The following SEMA5A variants were observed in gnomAD, a reference collection of about 807,000 sequenced individuals.
SEMA5A encodes the protein semaphorin 5A.
SEMA5A carries 55 observed loss-of-function variants against 135.5 expected under a neutral mutation model. The ratio of observed to expected loss-of-function variants is 0.41; its 90% CI spans 0.33 to 0.51. SEMA5A has a LOEUF of 0.51. Among genes scored for constraint, SEMA5A ranks in the 20% least tolerant of loss-of-function variants. The pLI is 0.37. For synonymous variants in SEMA5A, 580 were observed against 546.5 expected (o/e 1.06, Z -0.85); for missense variants, 1,290 against 1,419.9 (o/e 0.91, Z 1.47).
intron 5 of SEMA5A, among the ~76,000 whole-genome samples, chr5:9,248,726 G>A (rs1748612030): frequency 6.6e-6 from 1 of 152,132 alleles, no homozygotes; most frequent in African/African-American, 2.4e-5. Context: ...ATATGACCGT[G>A]GAGGCAGAGA....
At chr5:9,300,178 C>T (rs1389727314) in intron 5 of SEMA5A, among the ~76,000 whole-genome samples, 1 of 152,104 alleles carries the variant, frequency 6.6e-6, no homozygotes, top group Admixed American at 6.5e-5. Flanking sequence ...CAGGCACACC[C>T]CACCACACCT....
Position 9,154,494 on chromosome 5 carries a change from G to A in SEMA5A, c.1475C>T (p.Thr492Ile). Reference sequence around the variant, plus strand: ...GACCCCGGAGATGCCCTACCTGCGTGTGCGGTAGAACTGGCACCTCTTCAG... The same window carrying A: ...GACCCCGGAGATGCCCTACCTGCGTATGCGGTAGAACTGGCACCTCTTCAG... ...IPLKRCQFYR[T>I]RSTCIGAQDP... The change falls in exon 12 of 23, where the codon ACA becomes ATA. Residue 492 changes from threonine (T) to isoleucine (I), a missense_variant. Thr to Ile is a moderately conservative substitution (Grantham distance 89). Coordinates refer to ENST00000382496, the MANE Select transcript of SEMA5A (RefSeq NM_003966.3). 1.9e-6 allele frequency: 3 copies of A among 1,611,920 alleles called. No homozygotes were observed. The highest frequency in any genetic ancestry group is 2.5e-6 in the Non-Finnish European group (3 of 1,179,862).
At chr5:9,441,076 C>T (rs1354002005) in intron 1 of SEMA5A, among the ~76,000 whole-genome samples, 1 of 152,250 alleles carries the variant, frequency 6.6e-6, no homozygotes, top group East Asian at 1.9e-4. Context: ...ACAGGCCTCT[C>T]ATCATCAGTC....
At chr5:9,088,457 A>C (rs966826609) in intron 16 of SEMA5A, among the ~76,000 whole-genome samples, 1 of 150,760 alleles carries the variant, frequency 6.6e-6, no homozygotes. Flanking sequence ...AAAAAAAGTT[A>C]GTTTTCTTTT....
rs1350121845 is a variant in SEMA5A at position 9,042,736 on chromosome 5, T to TAAAG, written c.*157_*160dup. On this transcript the variant is annotated 3_prime_UTR_variant, in exon 23 of 23. Coordinates refer to ENST00000382496, the MANE Select transcript of SEMA5A (RefSeq NM_003966.3). ...GTCTTATTTCAATTTTTGTTGCTTT[T>TAAAG]AAAGACGTGTATTTTTGGCAGCAAT... 2.6e-6 allele frequency: 2 copies of TAAAG among 755,718 alleles called. No homozygotes were observed. The highest frequency in any genetic ancestry group is 3.6e-5 in the African/African-American group (2 of 55,568). 46.8% of individuals were successfully genotyped at this position (755,718 alleles called of 1,614,324 possible).
chr5:9,264,875 C>T (rs558650077), intron 5 of SEMA5A, among the ~76,000 whole-genome samples: 41 of 152,188 alleles, frequency 2.7e-4, no homozygotes, highest in African/African-American at 9.9e-4. Context: ...TGGCTGACTT[C>T]GGGGTGGGAA....
intron 5 of SEMA5A, among the ~76,000 whole-genome samples, chr5:9,238,618 T>C (rs1290686948): frequency 3.3e-5 from 5 of 152,042 alleles, no homozygotes; most frequent in African/African-American, 1.2e-4. Context: ...AGACAGGGCT[T>C]GCTTTACAGA....
At chr5:9,046,432 TCCTC>T (rs1298259121) in intron 21 of SEMA5A, among the ~76,000 whole-genome samples, 1 of 152,148 alleles carries the variant, frequency 6.6e-6, no homozygotes, top group Non-Finnish European at 1.5e-5. Flanking sequence ...GTGCTCATGA[TCCTC>T]CCTACCTGGA....
intron 12 of SEMA5A, among the ~76,000 whole-genome samples, chr5:9,154,093 A>ATATATATATATATATATGTGTGTG (rs372321939): frequency 1.4e-5 from 1 of 73,512 alleles, no homozygotes; most frequent in African/African-American, 5.6e-5. Flanking sequence ...ATATATATAT[A>ATATATATATATATATATGTGTGTG]TGTGTGTGTG....
chr5:9,339,876 T>C (rs1297049354), intron 3 of SEMA5A, among the ~76,000 whole-genome samples: 1 of 152,214 alleles, frequency 6.6e-6, no homozygotes, highest in Non-Finnish European at 1.5e-5. Flanking sequence ...AAAAGTAGTA[T>C]ATTTTTAAAA....
intron 5 of SEMA5A, among the ~76,000 whole-genome samples, chr5:9,284,449 G>A (rs1041534202): frequency 3.9e-5 from 6 of 152,114 alleles, no homozygotes; most frequent in Non-Finnish European, 8.8e-5. Context: ...CATCCTGAAT[G>A]AATTATGTAG....
At chr5:9,136,852 T>C (rs1280506436) in intron 12 of SEMA5A, among the ~76,000 whole-genome samples, 2 of 152,180 alleles carry the variant, frequency 1.3e-5, no homozygotes, top group Non-Finnish European at 2.9e-5. Flanking sequence ...TAATCTAACA[T>C]ACATGACAGA....
intron 2 of SEMA5A, among the ~76,000 whole-genome samples, chr5:9,390,148 T>A (rs1053577504): frequency 2.0e-5 from 3 of 152,236 alleles, no homozygotes; most frequent in Admixed American, 6.5e-5. Flanking sequence ...TCTCTTAACA[T>A]CTGGTCCAAA....
In SEMA5A at chr5:9,035,380, T is replaced by C. The variant is rs1204035142; in HGVS notation, c.*7517A>G. On this transcript the variant is annotated 3_prime_UTR_variant, in exon 23 of 23. Coordinates refer to ENST00000382496, the MANE Select transcript of SEMA5A (RefSeq NM_003966.3). Reference sequence around the variant, plus strand: ...ATATTTTTTCTTATAAACGTGTTTGTTTCTCAAAGCTGAGGCTTGGAGCAG... The same window carrying C: ...ATATTTTTTCTTATAAACGTGTTTGCTTCTCAAAGCTGAGGCTTGGAGCAG... The C allele has an allele frequency of 6.6e-6, 1 of 152,168 alleles. No individual in the cohort carries two copies. The highest frequency in any genetic ancestry group is 2.4e-5 in the African/African-American group (1 of 41,460). The allele number at this position is 152,168 out of a possible 1,614,324, so 9.4% of individuals were successfully genotyped here.
At chr5:9,118,094 A>G (rs145500105) in intron 15 of SEMA5A, among the ~76,000 whole-genome samples, 19 of 152,350 alleles carry the variant, frequency 1.2e-4, no homozygotes, top group African/African-American at 4.6e-4. Context: ...TACTAAATGC[A>G]TAGCAAATAA....
intron 3 of SEMA5A, among the ~76,000 whole-genome samples, chr5:9,361,018 GC>G (rs1484430137): frequency 1.3e-5 from 2 of 152,226 alleles, no homozygotes; most frequent in East Asian, 3.9e-4. Context: ...CTCAAGTCTG[GC>G]CAGGCGCAGT....
chr5:9,457,924 T>C, intron 1 of SEMA5A, among the ~76,000 whole-genome samples: 1 of 139,666 alleles, frequency 7.2e-6, no homozygotes, highest in East Asian at 2.0e-4. Context: ...TTTTTTTTTT[T>C]TGAGACAGAG....
chr5:9,502,677 G>A (rs1230752983), intron 1 of SEMA5A, among the ~76,000 whole-genome samples: 2 of 152,150 alleles, frequency 1.3e-5, no homozygotes, highest in African/African-American at 2.4e-5. Flanking sequence ...ACCAGAGAGC[G>A]CAGTCATAGT....
intron 11 of SEMA5A, among the ~76,000 whole-genome samples, chr5:9,181,647 T>C (rs1744517280): frequency 6.6e-6 from 1 of 152,148 alleles, no homozygotes; most frequent in African/African-American, 2.4e-5. Context: ...GTTCTAGGTC[T>C]GCATCTTGGA....
Sources: allele counts gnomAD v4.1 joint callset (sites outside exome capture counted in the v4.1 genomes callset), GRCh38; gene constraint gnomAD v4.1.1; transcripts MANE v1.5; gene names NCBI Gene and HGNC (gene_info 2026-07-23, HGNC 2026-07-21).